Variants in CACNA1C observed in about 807,000 individuals in gnomAD.
The protein encoded by CACNA1C is voltage-dependent L-type calcium channel subunit alpha-1C.
A neutral mutation model predicts 229.0 loss-of-function variants in CACNA1C; 30 were observed. The ratio of observed to expected loss-of-function variants is 0.13; its 90% CI spans 0.10 to 0.18. CACNA1C has a LOEUF of 0.18. Ranked by LOEUF, CACNA1C falls within the 10% of genes least tolerant of loss-of-function variation. The probability of loss-of-function intolerance (pLI) is 1.00; values close to 1 mark genes in which losing one functional copy is unlikely to be tolerated. For missense variants in CACNA1C, 1,658 were observed against 2,845.0 expected (o/e 0.58, Z 9.49); for synonymous variants, 1,114 against 1,132.5 (o/e 0.98, Z 0.33).
intron 13 of CACNA1C, among the ~76,000 whole-genome samples, chr12:2,570,349 C>T (rs964403376): frequency 6.6e-6 from 1 of 152,082 alleles, no homozygotes; most frequent in Non-Finnish European, 1.5e-5. Context: ...AGGTGTTGCT[C>T]TTCTCGTCAC....
intron 3 of CACNA1C, among the ~76,000 whole-genome samples, chr12:2,427,936 A>G (rs2099048550): frequency 6.6e-6 from 1 of 152,166 alleles, no homozygotes; most frequent in Admixed American, 6.5e-5. Context: ...CATATTTTAA[A>G]AAGTAAAATA....
intron 3 of CACNA1C, among the ~76,000 whole-genome samples, chr12:2,386,507 A>G (rs1326248615): frequency 3.9e-5 from 6 of 152,112 alleles, no homozygotes; most frequent in Non-Finnish European, 7.4e-5. Flanking sequence ...TCCTAGACAC[A>G]CTGATTCTTC....
rs1282942764 is a variant in CACNA1C at position 2,679,285 on chromosome 12, CCTCAGGTG to C, written c.5092-155_5092-148del. Among the ~76,000 whole-genome samples the C allele has an allele frequency of 6.6e-6, 1 of 152,206 alleles. No individual in the cohort carries two copies. The highest frequency in any genetic ancestry group is 2.4e-5 in the African/African-American group (1 of 41,464). ...TGGAGCAGCCAGGCATGAAGAAGGT[CCTCAGGTG>C]CTCCTGGCTCCCAGCAGGGCTGTGC... On this transcript the variant is annotated intron_variant, in intron 41 of 46. Transcript: ENST00000399655. The surrounding 1 kb of genome is among the most constrained non-coding windows in gnomAD (Gnocchi z 5.5).
rs377050884 is a variant in CACNA1C, at chr12:2,669,013, G to A, written c.4704G>A (p.Thr1568=). The A allele has an allele frequency of 1.4e-5, 22 of 1,613,482 alleles. No homozygotes were observed. The highest frequency in any genetic ancestry group is 8.0e-5 in the African/African-American group (6 of 74,906). ...CCACCCTGTTTGCCCTGGTCAGGAC[G>A]GCCCTGAGGATCAAAACAGAAGGTA... ...FNATLFALVR[T]ALRIKTEGNL... is the part of the protein sequence containing the mutation. Residue 1568 remains threonine, a synonymous_variant, in exon 38 of 47, where the codon ACG becomes ACA. Transcript: ENST00000399655.
At chr12:2,541,310 G>A (rs965129240) in intron 9 of CACNA1C, among the ~76,000 whole-genome samples, 7 of 152,292 alleles carry the variant, frequency 4.6e-5, no homozygotes, top group African/African-American at 1.7e-4. Context: ...AATGAGGTAG[G>A]AAATGAGGAA....
At chr12:2,091,641 A>G (rs1358296017) in intron 1 of CACNA1C, among the ~76,000 whole-genome samples, 1 of 152,202 alleles carries the variant, frequency 6.6e-6, no homozygotes, top group Admixed American at 6.5e-5. Flanking sequence ...CCTTAACTTA[A>G]TCACATTGGC....
intron 29 of CACNA1C, among the ~76,000 whole-genome samples, chr12:2,623,540 AG>A (rs1354875213): frequency 6.6e-6 from 1 of 151,958 alleles, no homozygotes; most frequent in Non-Finnish European, 1.5e-5. Flanking sequence ...ACCACCTCTG[AG>A]CTTCCAGAGC....
At chr12:2,339,244 C>T (rs143189536) in intron 3 of CACNA1C, among the ~76,000 whole-genome samples, 114 of 152,334 alleles carry the variant, frequency 7.5e-4, no homozygotes, top group African/African-American at 2.5e-3. Flanking sequence ...CAATGCTAAA[C>T]ATATCTAAAC....
intron 13 of CACNA1C, among the ~76,000 whole-genome samples, chr12:2,571,652 T>C (rs2054496664): frequency 6.6e-6 from 1 of 152,222 alleles, no homozygotes; most frequent in East Asian, 1.9e-4. Flanking sequence ...GAAGGAGTAG[T>C]AGTATTTTCA....
chr12:2,666,804 G>T lies in CACNA1C; in HGVS notation c.4623+22G>T. 7.1e-7 allele frequency: 1 copy of T among 1,412,610 alleles called. No individual in the cohort carries two copies. Among genetic ancestry groups the T allele is most frequent in the East Asian group, 2.4e-5 (1 of 42,116 alleles). 87.5% of individuals were successfully genotyped at this position (1,412,610 alleles called of 1,614,324 possible). On this transcript the variant is annotated intron_variant, in intron 37 of 46. Coordinates refer to ENST00000399655, the MANE Select transcript of CACNA1C (RefSeq NM_000719.7). The surrounding 1 kb of genome is among the most constrained non-coding windows in gnomAD (Gnocchi z 5.3). ...CAAAGTAAGAGATAACGGGGTTCAT[G>T]GGAGGGAGAGGGAAAATAGGGGAAG...
intron 29 of CACNA1C, 133 bp downstream of exon 29, chr12:2,612,146 A>G (rs926527866): frequency 2.8e-5 from 18 of 640,274 alleles, no homozygotes; most frequent in Non-Finnish European, 4.5e-5. Context: ...CCCTGCTCCG[A>G]TGGTCAGTGC....
chr12:2,344,791 G>C (rs1772872677), intron 3 of CACNA1C, among the ~76,000 whole-genome samples: 1 of 152,000 alleles, frequency 6.6e-6, no homozygotes, highest in Admixed American at 6.6e-5. Context: ...TTATTTGAAT[G>C]TCATACTTTC....
chr12:2,044,438 A>G (rs2050727967), intron 1 of CACNA1C, among the ~76,000 whole-genome samples: 1 of 137,304 alleles, frequency 7.3e-6, no homozygotes, highest in Admixed American at 7.3e-5. Flanking sequence ...TTATGGAGCA[A>G]TGACCTCTCT....
intron 3 of CACNA1C, among the ~76,000 whole-genome samples, chr12:2,415,473 T>A (rs2098870521): frequency 6.6e-6 from 1 of 152,206 alleles, no homozygotes; most frequent in Non-Finnish European, 1.5e-5. Flanking sequence ...CAGCTTTTCT[T>A]CCAAGTGGAA....
Position 2,677,696 on chromosome 12 carries a change from G to A in CACNA1C, c.4957-37G>A. On this transcript the variant is annotated intron_variant, in intron 40 of 46. Transcript: ENST00000399655. This position sits in a 1 kb window ranked among gnomAD's most constrained non-coding sequence, Gnocchi z 7.4. Reference sequence around the variant, plus strand: ...GCTGGCTGGGGAGCTTGGAGGAAAGGGAGCGTGGTCCTCACCATCCTCCCC... The same window carrying A: ...GCTGGCTGGGGAGCTTGGAGGAAAGAGAGCGTGGTCCTCACCATCCTCCCC... 6.3e-7 allele frequency: 1 copy of A among 1,597,390 alleles called. No homozygotes were observed. Among genetic ancestry groups the A allele is most frequent in the African/African-American group, 1.3e-5 (1 of 74,706 alleles).
chr12:2,617,014 A>G (rs1483466223), intron 29 of CACNA1C, among the ~76,000 whole-genome samples: 2 of 152,232 alleles, frequency 1.3e-5, no homozygotes, highest in African/African-American at 4.8e-5. Context: ...GCAGCAGTTC[A>G]GTTGCCACAG....
chr12:2,135,902 C>T (rs1001411086), intron 3 of CACNA1C, among the ~76,000 whole-genome samples: 1 of 149,132 alleles, frequency 6.7e-6, no homozygotes, highest in South Asian at 2.1e-4. Flanking sequence ...GCCCCTCCCC[C>T]AGCCTCGCTG....
At chr12:2,459,031 G>A (rs1305690541) in intron 5 of CACNA1C, among the ~76,000 whole-genome samples, 1 of 136,866 alleles carries the variant, frequency 7.3e-6, no homozygotes, top group Non-Finnish European at 1.5e-5. Context: ...TCCCCAGGCT[G>A]GAGTACAGTG....
chr12:2,106,961 C>T (rs1231201267), intron 1 of CACNA1C, among the ~76,000 whole-genome samples: 1,235 of 69,870 alleles, frequency 0.018, 451 homozygotes, highest in Non-Finnish European at 0.028. Flanking sequence ...CACTGGGCGC[C>T]CACCCCGGGG....
Sources: allele counts gnomAD v4.1 joint callset (sites outside exome capture counted in the v4.1 genomes callset), GRCh38; gene constraint gnomAD v4.1.1; non-coding constraint Gnocchi (gnomAD v3.1); transcripts MANE v1.5; gene names NCBI Gene and HGNC (gene_info 2026-07-23, HGNC 2026-07-21).